Variants in PPP6R3 observed in about 807,000 individuals in gnomAD.
PPP6R3 encodes serine/threonine-protein phosphatase 6 regulatory subunit 3.
Under a neutral mutation model 110.7 loss-of-function variants are expected in PPP6R3, and 38 were observed. The ratio of observed to expected loss-of-function variants is 0.34; its 90% CI spans 0.26 to 0.45. The LOEUF is 0.45. Among genes scored for constraint, PPP6R3 ranks in the 20% least tolerant of loss-of-function variants. PPP6R3 has a pLI of 1.00. For missense variants in PPP6R3, 870 were observed against 1,062.4 expected (o/e 0.82, Z 2.52); for synonymous variants, 369 against 373.5 (o/e 0.99, Z 0.14).
chr11:68,529,216 G>C (rs1460264864), intron 2 of PPP6R3, among the ~76,000 whole-genome samples: 1 of 149,926 alleles, frequency 6.7e-6, no homozygotes, highest in Non-Finnish European at 1.5e-5. Flanking sequence ...CTGTTTTTGG[G>C]TGTGTGTGTG....
chr11:68,506,272 A>G (rs138674379), intron 1 of PPP6R3, among the ~76,000 whole-genome samples: 2,088 of 151,140 alleles, frequency 0.014, 55 homozygotes, highest in African/African-American at 0.047. Flanking sequence ...CGCCTGGCTA[A>G]TTTTTATATT....
In PPP6R3 at chr11:68,609,396, G is replaced by T. The variant is rs1240577637; in HGVS notation, c.2451-508G>T. 8 of 703,184 alleles carry T rather than the reference G, an allele frequency of 1.1e-5. No homozygotes were observed. In the Admixed American group the frequency reaches 1.2e-4, roughly 11 times the overall value. 43.6% of individuals were successfully genotyped at this position (703,184 alleles called of 1,614,324 possible). On this transcript the variant is annotated intron_variant, in intron 22 of 23. Coordinates refer to ENST00000393800, the MANE Select transcript of PPP6R3 (RefSeq NM_001164161.2). ...GGCTTCCAGCCAGCAAGCTGATGGG[G>T]TCTGTCTTGCTGCTTTAATGGTGGG...
chr11:68,472,620 T>G (rs548358372), intron 1 of PPP6R3, among the ~76,000 whole-genome samples: 10 of 151,984 alleles, frequency 6.6e-5, no homozygotes, highest in African/African-American at 2.4e-4. Flanking sequence ...TCTCGGGGTT[T>G]TTTTTTTTTT....
At chr11:68,612,573 C>CTTT (rs577479967) in intron 23 of PPP6R3, among the ~76,000 whole-genome samples, 2 of 146,134 alleles carry the variant, frequency 1.4e-5, no homozygotes, top group African/African-American at 5.0e-5. Flanking sequence ...AAGTGGACAC[C>CTTT]TTTTTTTTTT....
chr11:68,550,058 A>G (rs2099364867), intron 5 of PPP6R3, among the ~76,000 whole-genome samples: 1 of 152,200 alleles, frequency 6.6e-6, no homozygotes, highest in South Asian at 2.1e-4. Context: ...TTATTACTCA[A>G]AGAATGGTCC....
chr11:68,544,790 A>T (rs759702300), intron 3 of PPP6R3, 48 bp from the exon 4 acceptor site: 4 of 1,317,728 alleles, frequency 3.0e-6, no homozygotes, highest in African/African-American at 1.5e-5. Flanking sequence ...ATCTTTATGT[A>T]ATTAAACTGT....
At chr11:68,528,434 G>GGC (rs1555110027) in intron 2 of PPP6R3, among the ~76,000 whole-genome samples, 5 of 10,184 alleles carry the variant, frequency 4.9e-4, no homozygotes, top group African/African-American at 1.8e-3. Context: ...TTGTGTGTGT[G>GGC]GGGGGGGGGG....
intron 1 of PPP6R3, among the ~76,000 whole-genome samples, chr11:68,468,933 C>A (rs1209198929): frequency 6.6e-6 from 1 of 152,162 alleles, no homozygotes; most frequent in Non-Finnish European, 1.5e-5. Flanking sequence ...TATATAGAAT[C>A]ATTTTTTCAA....
intron 1 of PPP6R3, among the ~76,000 whole-genome samples, chr11:68,506,427 A>AAAAAAAAAAC (rs2099077777): frequency 7.4e-6 from 1 of 134,454 alleles, no homozygotes; most frequent in Non-Finnish European, 1.6e-5. Context: ...AAAAAAAAAA[A>AAAAAAAAAAC]AAAAAAAAAA....
intron 6 of PPP6R3, among the ~76,000 whole-genome samples, 169 bp from the exon 7 acceptor site, chr11:68,553,976 C>CA (rs1386599370): frequency 6.6e-6 from 1 of 152,202 alleles, no homozygotes; most frequent in Non-Finnish European, 1.5e-5. Context: ...ATTCACCTGA[C>CA]AAAATACAAT....
chr11:68,590,648 G>T lies in PPP6R3; in HGVS notation c.1731-12G>T, dbSNP rs1593729408. 3 of 1,538,946 alleles carry T rather than the reference G, an allele frequency of 1.9e-6. No individual in the cohort carries two copies. Among genetic ancestry groups the T allele is most frequent in the Non-Finnish European group, 2.7e-6 (3 of 1,125,308 alleles). Reference sequence around the variant, plus strand: ...TTAATGCTTCCTACACTTTTATTTTGTTTTTTTACAGTGTTTCTTTTGATC... The same window carrying T: ...TTAATGCTTCCTACACTTTTATTTTTTTTTTTTACAGTGTTTCTTTTGATC... On this transcript the variant is annotated splice_polypyrimidine_tract_variant and intron_variant, in intron 16 of 23. Transcript: ENST00000393800.
chr11:68,585,213 C>T (rs2099574466), intron 15 of PPP6R3, among the ~76,000 whole-genome samples: 2 of 152,220 alleles, frequency 1.3e-5, no homozygotes, highest in Non-Finnish European at 2.9e-5. Flanking sequence ...CCCCACCTCC[C>T]TGATTCTGCC....
intron 14 of PPP6R3, among the ~76,000 whole-genome samples, chr11:68,579,912 T>C (rs1277970212): frequency 1.3e-5 from 2 of 152,242 alleles, no homozygotes; most frequent in Non-Finnish European, 2.9e-5. Flanking sequence ...CCATGTGAAC[T>C]CTATGATGTT....
intron 1 of PPP6R3, among the ~76,000 whole-genome samples, chr11:68,518,588 A>G (rs1239431364): frequency 6.6e-6 from 1 of 152,214 alleles, no homozygotes; most frequent in Non-Finnish European, 1.5e-5. Flanking sequence ...GGATGATTAT[A>G]CTTTTTGCAG....
intron 2 of PPP6R3, among the ~76,000 whole-genome samples, chr11:68,533,295 CTG>C (rs997138023): frequency 3.3e-5 from 5 of 152,152 alleles, no homozygotes; most frequent in African/African-American, 1.2e-4. Context: ...AAGGAATTAG[CTG>C]TGGATATATT....
At chr11:68,571,641 A>T (rs1262208998) in intron 12 of PPP6R3, among the ~76,000 whole-genome samples, 1 of 152,216 alleles carries the variant, frequency 6.6e-6, no homozygotes, top group Non-Finnish European at 1.5e-5. Context: ...ACGTTTTCTT[A>T]CAGGTGTTGT....
intron 3 of PPP6R3, among the ~76,000 whole-genome samples, chr11:68,538,842 G>A (rs2153651040): frequency 6.6e-6 from 1 of 152,334 alleles, no homozygotes; most frequent in African/African-American, 2.4e-5. Flanking sequence ...AGGAAAGGCT[G>A]GGCGCGGTGG....
chr11:68,593,879 C>T (rs2153885863), intron 18 of PPP6R3, among the ~76,000 whole-genome samples: 1 of 152,136 alleles, frequency 6.6e-6, no homozygotes, highest in African/African-American at 2.4e-5. Context: ...ATTAGCTGGG[C>T]ATGGTGGCGT....
chr11:68,535,024 C>T (rs2099262537), intron 2 of PPP6R3, among the ~76,000 whole-genome samples: 1 of 152,116 alleles, frequency 6.6e-6, no homozygotes. Context: ...TTTGCCATTT[C>T]CCACTCATCT....
Sources: gnomAD v4.1 joint callset for allele counts (sites outside exome capture counted in the v4.1 genomes callset) on GRCh38, gnomAD v4.1.1 for gene constraint, MANE v1.5 for transcripts, NCBI Gene and HGNC (gene_info 2026-07-23, HGNC 2026-07-21) for gene names.